RGS20: variants seen among roughly 807,000 people sequenced by gnomAD.
The protein encoded by RGS20 is regulator of G protein signaling 20.
In RGS20, 30 loss-of-function variants were observed where a neutral mutation model predicts 33.6. The ratio of observed to expected loss-of-function variants is 0.89; its 90% CI spans 0.67 to 1.21. The LOEUF (loss-of-function observed/expected upper bound fraction) is 1.21, where lower values mean the gene tolerates loss of function less well. Ranked by LOEUF, RGS20 falls within the 50% of genes most tolerant of loss-of-function variation. RGS20 has a pLI of 0.00. For missense variants in RGS20, 472 were observed against 502.4 expected (o/e 0.94, Z 0.58); for synonymous variants, 208 against 197.9 (o/e 1.05, Z -0.43).
chr8:53,898,354 A>T (rs983780815), intron 2 of RGS20, among the ~76,000 whole-genome samples: 5 of 152,222 alleles, frequency 3.3e-5, no homozygotes, highest in Non-Finnish European at 7.3e-5. Flanking sequence ...TAGGGAGCAC[A>T]GAAGGAGTGT....
At chr8:53,920,234 T>C (rs191301262) in intron 2 of RGS20, among the ~76,000 whole-genome samples, 3 of 152,276 alleles carry the variant, frequency 2.0e-5, no homozygotes, top group Admixed American at 1.3e-4. Flanking sequence ...ATAAATCTTA[T>C]AATTCTTTTA....
chr8:53,945,858 G>T (rs1360996472), intron 3 of RGS20, among the ~76,000 whole-genome samples: 1 of 151,446 alleles, frequency 6.6e-6, no homozygotes, highest in East Asian at 1.9e-4. Flanking sequence ...CAGCACTGCA[G>T]CCTGGGCAGC....
At chr8:53,947,536 T>C (rs568313537) in intron 4 of RGS20, among the ~76,000 whole-genome samples, 10 of 137,382 alleles carry the variant, frequency 7.3e-5, no homozygotes, top group South Asian at 4.7e-4. Context: ...ATATAGGATA[T>C]AGTATATACA....
chr8:53,869,760 A>T (rs1812015736), intron 1 of RGS20, among the ~76,000 whole-genome samples: 1 of 152,208 alleles, frequency 6.6e-6, no homozygotes, highest in African/African-American at 2.4e-5. Flanking sequence ...TAGGCTACAC[A>T]CACCAAGAGA....
At chr8:53,946,827 A>C in intron 4 of RGS20, 79 bp downstream of exon 3, 2 of 1,159,896 alleles carry the variant, frequency 1.7e-6, no homozygotes, top group African/African-American at 3.1e-5. Flanking sequence ...TGTATGTTTC[A>C]ACAGAACACA....
chr8:53,907,350 G>A (rs1813210527), intron 2 of RGS20, among the ~76,000 whole-genome samples: 1 of 152,086 alleles, frequency 6.6e-6, no homozygotes, highest in Admixed American at 6.6e-5. Context: ...ACTTTGAGAG[G>A]CCGAGGTGGG....
At chr8:53,935,860 G>A (rs1184834208) in intron 2 of RGS20, among the ~76,000 whole-genome samples, 2 of 152,136 alleles carry the variant, frequency 1.3e-5, no homozygotes. Context: ...TAAAATACTG[G>A]CAAACCGAAT....
chr8:53,939,873 G>A (rs1814240818), intron 3 of RGS20, 149 bp downstream of exon 2: 1 of 895,882 alleles, frequency 1.1e-6, no homozygotes, highest in Non-Finnish European at 1.6e-6. Flanking sequence ...TGACACACAG[G>A]GACACCCAAG....
In RGS20 at chr8:53,939,664, C is replaced by T. The variant is rs1266123297; in HGVS notation, c.599C>T (p.Ala200Val). 1 of 1,581,390 alleles carries T rather than the reference C, an allele frequency of 6.3e-7. No individual in the cohort carries two copies. Among genetic ancestry groups the T allele is most frequent in the East Asian group, 2.3e-5 (1 of 43,784 alleles). Residue 200 changes from alanine (A) to valine (V), a missense_variant, in exon 3 of 6, where the codon GCG becomes GTG. Physicochemically the swap from Ala to Val is moderately conservative, Grantham distance 64. Around this residue, in one of 3 missense-constraint regions of RGS20, gnomAD observed 319 missense variants for 283.4 expected, o/e 1.13. Transcript: ENST00000297313. ...GGCGCCGCCCCAGGCCAGCCCGGAG[C>T]GGGGAGTCGCGGGTCCAACGCATGC...
At chr8:53,869,814 G>T (rs751382094) in intron 1 of RGS20, among the ~76,000 whole-genome samples, 14 of 152,308 alleles carry the variant, frequency 9.2e-5, no homozygotes, top group Non-Finnish European at 1.8e-4. Context: ...CCTCTGAGCA[G>T]AACAGGGCAG....
At chr8:53,885,926 T>C (rs755333077) in intron 2 of RGS20, among the ~76,000 whole-genome samples, 1 of 152,080 alleles carries the variant, frequency 6.6e-6, no homozygotes, top group Non-Finnish European at 1.5e-5. Flanking sequence ...AGTGACTTTC[T>C]AGCATGCTCC....
intron 2 of RGS20, among the ~76,000 whole-genome samples, chr8:53,900,122 A>G (rs141377490): frequency 9.9e-5 from 15 of 152,250 alleles, no homozygotes; most frequent in African/African-American, 3.6e-4. Flanking sequence ...CTGCTATTTC[A>G]GTCCCTGCTG....
intron 1 of RGS20, among the ~76,000 whole-genome samples, chr8:53,871,506 A>G (rs1224227145): frequency 1.3e-5 from 2 of 152,060 alleles, no homozygotes; most frequent in African/African-American, 4.8e-5. Context: ...AATCCCACCT[A>G]CTTAGGAAGC....
In RGS20 at chr8:53,901,238, T is replaced by C. The variant is rs550931996; in HGVS notation, c.510+21636T>C. 2.6e-5 allele frequency among the ~76,000 whole-genome samples: 4 copies of C among 152,084 alleles called. No individual in the cohort carries two copies. In the East Asian group the frequency reaches 7.7e-4, roughly 29 times the overall value. ...GCCCGTCACCACGCCCGGCTAATTT[T>C]TGTATTTTTAGTAGAGATGGGGTTT... On this transcript the variant is annotated intron_variant, in intron 2 of 5. Transcript: ENST00000297313.
chr8:53,897,287 G>A (rs1004648838), intron 2 of RGS20, among the ~76,000 whole-genome samples: 2 of 152,218 alleles, frequency 1.3e-5, no homozygotes, highest in African/African-American at 4.8e-5. Context: ...CTGGGCTAGG[G>A]CTGCCCTGGC....
intron 2 of RGS20, among the ~76,000 whole-genome samples, chr8:53,894,798 A>G (rs767558122): frequency 2.0e-5 from 3 of 152,224 alleles, no homozygotes; most frequent in Non-Finnish European, 4.4e-5. Flanking sequence ...CATTTCACAT[A>G]TTAAATGTAA....
intron 2 of RGS20, among the ~76,000 whole-genome samples, chr8:53,901,103 A>G (rs1308965125): frequency 2.9e-5 from 4 of 136,398 alleles, no homozygotes. Context: ...TTGCTCTATC[A>G]CCCAGGCTGG....
chr8:53,928,807 G>C (rs1261923106), intron 2 of RGS20, among the ~76,000 whole-genome samples: 3 of 149,990 alleles, frequency 2.0e-5, no homozygotes, highest in Non-Finnish European at 4.4e-5. Context: ...TGGGCAACAA[G>C]AGTAAAACTC....
intron 2 of RGS20, chr8:53,879,626 G>A: frequency 2.1e-6 from 3 of 1,437,826 alleles, no homozygotes; most frequent in Non-Finnish European, 1.8e-6. Flanking sequence ...TCTCCACTAC[G>A]CCCCACACCC....
Sources: allele counts gnomAD v4.1 joint callset (sites outside exome capture counted in the v4.1 genomes callset), GRCh38; gene constraint gnomAD v4.1.1; regional missense constraint gnomAD v4.1.1; transcripts MANE v1.5; gene names NCBI Gene and HGNC (gene_info 2026-07-23, HGNC 2026-07-21).